Variants in ADRA1A observed in about 807,000 individuals in gnomAD.
ADRA1A encodes the protein adrenoceptor alpha 1A.
A neutral mutation model predicts 29.6 loss-of-function variants in ADRA1A; 31 were observed. The ratio of observed to expected loss-of-function variants is 1.05; its 90% CI spans 0.79 to 1.41. The LOEUF (loss-of-function observed/expected upper bound fraction) is 1.41, where lower values mean the gene tolerates loss of function less well. Among genes scored for constraint, ADRA1A ranks in the 40% most tolerant of loss-of-function variants. ADRA1A has a pLI of 0.00. For missense variants in ADRA1A, 619 were observed against 601.1 expected (o/e 1.03, Z -0.31); for synonymous variants, 311 against 254.3 (o/e 1.22, Z -2.12).
At chr8:26,832,878 A>G (rs1811088638) in intron 2 of ADRA1A, among the ~76,000 whole-genome samples, 1 of 152,146 alleles carries the variant, frequency 6.6e-6, no homozygotes, top group African/African-American at 2.4e-5. Context: ...ACAGCTGCCC[A>G]GTCATTGGAT....
At chr8:26,764,835 C>G (rs1365262314), downstream of ADRA1A, among the ~76,000 whole-genome samples, 1 of 152,192 alleles carries the variant, frequency 6.6e-6, no homozygotes, top group East Asian at 1.9e-4. Context: ...TTTGAAGAAG[C>G]CAGTGCCGTC....
At chr8:26,827,714 C>G (rs1370383638) in intron 2 of ADRA1A, among the ~76,000 whole-genome samples, 9 of 151,756 alleles carry the variant, frequency 5.9e-5, no homozygotes, top group Admixed American at 3.3e-4. Flanking sequence ...TCCATAAAGA[C>G]ACGAATCCCA....
chr8:26,824,378 G>A (rs1299104240), intron 2 of ADRA1A, among the ~76,000 whole-genome samples: 3 of 152,020 alleles, frequency 2.0e-5, no homozygotes, highest in East Asian at 3.9e-4. Flanking sequence ...CATGCCCGCC[G>A]GGAAGCCACG....
chr8:26,790,404 A>G (rs1265236740), intron 2 of ADRA1A, among the ~76,000 whole-genome samples: 1 of 152,176 alleles, frequency 6.6e-6, no homozygotes, highest in Non-Finnish European at 1.5e-5. Flanking sequence ...AAGCTAAAAA[A>G]GTTGGTCTCG....
At chr8:26,833,537 C>A (rs942671760) in intron 2 of ADRA1A, among the ~76,000 whole-genome samples, 1 of 152,214 alleles carries the variant, frequency 6.6e-6, no homozygotes, top group Non-Finnish European at 1.5e-5. Context: ...TCTGACCCAG[C>A]ACAAACTAAG....
downstream of ADRA1A, chr8:26,765,723 G>T: frequency 1.1e-6 from 1 of 945,998 alleles, no homozygotes; most frequent in Non-Finnish European, 1.3e-6. Flanking sequence ...AATGAGCAGA[G>T]CTCTTTCTTT....
rs1327328189 is a variant in ADRA1A at position 26,821,799 on chromosome 8, A to AT, written c.883+42287dup. Among the ~76,000 whole-genome samples, 2 of 152,102 alleles carry AT rather than the reference A, an allele frequency of 1.3e-5. No homozygotes were observed. Among genetic ancestry groups the AT allele is most frequent in the East Asian group, 3.9e-4 (2 of 5,186 alleles). On this transcript the variant is annotated intron_variant, in intron 2 of 2. Transcript: ENST00000380573. The surrounding 1 kb of genome is among the most constrained non-coding windows in gnomAD (Gnocchi z 5.6). Reference sequence around the variant, plus strand: ...CCTGGAAATCACTAATCTGTTCTCTATTTCTATAATTTTGTCATTTCAAGA... The same window carrying AT: ...CCTGGAAATCACTAATCTGTTCTCTATTTTCTATAATTTTGTCATTTCAAGA...
intron 2 of ADRA1A, among the ~76,000 whole-genome samples, chr8:26,845,987 T>C (rs1346596780): frequency 6.6e-6 from 1 of 152,182 alleles, no homozygotes; most frequent in Non-Finnish European, 1.5e-5. Flanking sequence ...GCTTTGGAAC[T>C]AGATAGTGGT....
intron 2 of ADRA1A, among the ~76,000 whole-genome samples, chr8:26,818,405 T>C (rs1809913375): frequency 6.6e-6 from 1 of 152,188 alleles, no homozygotes; most frequent in Non-Finnish European, 1.5e-5. Context: ...ATTAACATTT[T>C]TTTGTTTGTA....
At chr8:26,828,812 C>T (rs1033893717) in intron 2 of ADRA1A, among the ~76,000 whole-genome samples, 15 of 152,030 alleles carry the variant, frequency 9.9e-5, no homozygotes, top group African/African-American at 3.4e-4. Flanking sequence ...ATCATCATGC[C>T]TATGGCTATT....
At chr8:26,779,369 G>A (rs1806785112) in intron 2 of ADRA1A, 1 of 702,634 alleles carries the variant, frequency 1.4e-6, no homozygotes, top group African/African-American at 1.7e-5. Context: ...CTGCTGCATG[G>A]TGAACTGGTT....
Position 26,770,294 on chromosome 8 carries a change from C to T in ADRA1A, c.1256G>A (p.Cys419Tyr). The change falls in exon 3 of 3, where the codon TGT becomes TAT. Residue 419 changes from cysteine (C) to tyrosine (Y), a missense_variant. Coordinates refer to ENST00000380573, the MANE Select transcript of ADRA1A (RefSeq NM_000680.4). The stretch of plus-strand genomic sequence containing the variant: ...TTTACTTCTCACCCGGGCTGTGGTA[C>T]AGGAGGATTGGTCTTTGGACACTGT... ...RITVSKDQSSCTTARVRSKSF... is the reference protein window; with the variant it reads ...RITVSKDQSSYTTARVRSKSF... 2 of 1,614,218 alleles carry T rather than the reference C, an allele frequency of 1.2e-6. No individual in the cohort carries two copies. The highest frequency in any genetic ancestry group is 1.7e-5 in the Admixed American group (1 of 60,032).
intron 2 of ADRA1A, among the ~76,000 whole-genome samples, chr8:26,851,219 G>A (rs547559883): frequency 1.3e-5 from 2 of 152,312 alleles, no homozygotes; most frequent in South Asian, 4.1e-4. Flanking sequence ...GAAAAGAAGA[G>A]TGTGCTAAAC....
chr8:26,763,704 C>T (rs995415823), downstream of ADRA1A, among the ~76,000 whole-genome samples: 5 of 152,198 alleles, frequency 3.3e-5, no homozygotes, highest in East Asian at 3.8e-4. The surrounding 1 kb of genome is among the most constrained non-coding windows in gnomAD (Gnocchi z 4.5). Flanking sequence ...TAGCTAGTAA[C>T]GGCATAGATC....
downstream of ADRA1A, among the ~76,000 whole-genome samples, chr8:26,762,762 A>G: frequency 6.6e-6 from 1 of 152,096 alleles, no homozygotes; most frequent in South Asian, 2.1e-4. This position sits in a 1 kb window ranked among gnomAD's most constrained non-coding sequence, Gnocchi z 4.0. Flanking sequence ...TTCTGCACCC[A>G]CCACCATCCA....
chr8:26,761,780 G>A (rs775521020), downstream of ADRA1A, among the ~76,000 whole-genome samples: 7 of 152,220 alleles, frequency 4.6e-5, no homozygotes, highest in African/African-American at 9.6e-5. Flanking sequence ...GAGCATACTC[G>A]TTGGGAGAAG....
intron 2 of ADRA1A, among the ~76,000 whole-genome samples, chr8:26,858,296 CTA>C (rs1354559479): frequency 1.3e-5 from 2 of 152,162 alleles, no homozygotes; most frequent in Non-Finnish European, 2.9e-5. Context: ...AGACACGTAA[CTA>C]TGTTTTCAGT....
intron 2 of ADRA1A, among the ~76,000 whole-genome samples, chr8:26,845,548 G>C (rs547719905): frequency 1.3e-5 from 2 of 152,240 alleles, no homozygotes; most frequent in East Asian, 3.9e-4. Flanking sequence ...GCTAAACGTA[G>C]AAGTTCCATA....
chr8:26,865,943 A>C lies in ADRA1A; in HGVS notation c.-686-288T>G, dbSNP rs1287250547. Among the ~76,000 whole-genome samples, 2 of 152,156 alleles carry C rather than the reference A, an allele frequency of 1.3e-5. No individual in the cohort carries two copies. Among genetic ancestry groups the C allele is most frequent in the African/African-American group, 4.8e-5 (2 of 41,450 alleles). ...CAAAACCCCAGGCTCCAGCGCTCGA[A>C]GTCTGGATTTCGAGCGCAGGTACCA... is the stretch of plus-strand genomic sequence containing the variant. On this transcript the variant is annotated intron_variant, in intron 1 of 2. Coordinates refer to ENST00000380573, the MANE Select transcript of ADRA1A (RefSeq NM_000680.4). The surrounding 1 kb of genome is among the most constrained non-coding windows in gnomAD (Gnocchi z 7.6).
Sources: allele counts gnomAD v4.1 joint callset (sites outside exome capture counted in the v4.1 genomes callset), GRCh38; gene constraint gnomAD v4.1.1; non-coding constraint Gnocchi (gnomAD v3.1); transcripts MANE v1.5; gene names NCBI Gene and HGNC (gene_info 2026-07-23, HGNC 2026-07-21).